Variants in ENPEP observed in about 807,000 individuals in gnomAD.
The protein encoded by ENPEP is glutamyl aminopeptidase, also known as AP-A.
Under a neutral mutation model 114.5 loss-of-function variants are expected in ENPEP, and 103 were observed. The observed-to-expected ratio is 0.90, with a 90% confidence interval of 0.77 to 1.06. The LOEUF (loss-of-function observed/expected upper bound fraction) is 1.06, where lower values mean the gene tolerates loss of function less well. ENPEP is among the 50% of genes least tolerant of loss of function. ENPEP has a pLI of 0.00. For missense variants in ENPEP, 1,196 were observed against 1,161.3 expected (o/e 1.03, Z -0.43); for synonymous variants, 420 against 422.0 (o/e 1.00, Z 0.06).
intron 19 of ENPEP, among the ~76,000 whole-genome samples, chr4:110,560,167 C>T (rs1339260468): frequency 6.6e-6 from 1 of 152,078 alleles, no homozygotes; most frequent in Non-Finnish European, 1.5e-5. Context: ...GTATATGTGC[C>T]ACATTTTCTT....
chr4:110,559,567 A>C (rs1289241871), intron 18 of ENPEP, 80 bp from the exon 19 acceptor site: 3 of 1,016,674 alleles, frequency 3.0e-6, no homozygotes, highest in Non-Finnish European at 4.5e-6. Context: ...CTATGAAATA[A>C]AAAGGAAACA....
intron 11 of ENPEP, 51 bp from the exon 12 acceptor site, chr4:110,542,700 T>C (rs1347833062): frequency 1.3e-6 from 2 of 1,535,148 alleles, no homozygotes; most frequent in East Asian, 4.6e-5. Flanking sequence ...TTTCTCTGTG[T>C]TGACAGTGCA....
At chr4:110,494,649 T>C (rs1271114876) in intron 3 of ENPEP, among the ~76,000 whole-genome samples, 3 of 152,162 alleles carry the variant, frequency 2.0e-5, no homozygotes, top group Non-Finnish European at 4.4e-5. Flanking sequence ...GACTTTAGAG[T>C]TGAGCCATTC....
At position 110,549,748 on chromosome 4, in the gene ENPEP, G is replaced by A. The variant is rs138109608; in HGVS notation, c.2363G>A (p.Arg788Gln). 5 of 1,613,230 alleles carry A rather than the reference G, an allele frequency of 3.1e-6. No homozygotes were observed. Among genetic ancestry groups the A allele is most frequent in the East Asian group, 4.5e-5 (2 of 44,852 alleles). The change falls in exon 17 of 20, where the codon CGG becomes CAG. Residue 788 changes from arginine (R) to glutamine (Q), a missense_variant. Transcript: ENST00000265162. ...GTAAATCTCAGGCTTCTGGTGTATC[G>A]GTATGGGATGCAGAACTCTGGCAAT... is the stretch of plus-strand genomic sequence containing the variant. ...LPVNLRLLVY[R>Q]YGMQNSGNEI...
intron 1 of ENPEP, among the ~76,000 whole-genome samples, chr4:110,478,010 T>G (rs921175016): frequency 2.6e-5 from 4 of 152,216 alleles, no homozygotes; most frequent in African/African-American, 9.7e-5. Flanking sequence ...TTGTGTTGTG[T>G]CTGGACTGCT....
chr4:110,511,247 A>G (rs530097381), intron 6 of ENPEP, among the ~76,000 whole-genome samples: 79 of 152,366 alleles, frequency 5.2e-4, no homozygotes, highest in African/African-American at 1.8e-3. Flanking sequence ...TTACTTCTTT[A>G]AAAATCTTAT....
At chr4:110,527,177 A>G (rs1726228501) in intron 10 of ENPEP, among the ~76,000 whole-genome samples, 1 of 152,186 alleles carries the variant, frequency 6.6e-6, no homozygotes, top group African/African-American at 2.4e-5. Context: ...GCATCAGAGA[A>G]TGATGAACTC....
chr4:110,476,492 G>T lies in ENPEP; in HGVS notation c.78G>T (p.Val26=). 1.9e-6 allele frequency: 3 copies of T among 1,582,068 alleles called. No homozygotes were observed. The highest frequency in any genetic ancestry group is 2.3e-5 in the South Asian group (2 of 86,094). The change falls in exon 1 of 20, where the codon GTG becomes GTT. Residue 26 remains valine, a synonymous_variant. Transcript: ENST00000265162. ...TKHVAILCAV[V]VGVGLIVGLA... Reference sequence around the variant, plus strand: ...ATGTGGCCATTCTCTGTGCGGTGGTGGTGGGTGTAGGATTAATAGTGGGAC... The same window carrying T: ...ATGTGGCCATTCTCTGTGCGGTGGTTGTGGGTGTAGGATTAATAGTGGGAC...
intron 19 of ENPEP, 98 bp from the exon 20 acceptor site, chr4:110,561,308 T>C: frequency 1.5e-6 from 2 of 1,292,498 alleles, no homozygotes; most frequent in Non-Finnish European, 2.2e-6. Flanking sequence ...ATACTGAATT[T>C]CTAGGTAAGA....
intron 18 of ENPEP, among the ~76,000 whole-genome samples, chr4:110,558,552 C>T (rs1289497762): frequency 2.0e-5 from 3 of 152,218 alleles, no homozygotes; most frequent in Non-Finnish European, 4.4e-5. Context: ...ACCTTGAGAT[C>T]GCAAAGTGCT....
At chr4:110,512,431 T>C (rs541770968) in intron 6 of ENPEP, 1 of 152,154 alleles carries the variant, frequency 6.6e-6, no homozygotes, top group Non-Finnish European at 1.5e-5. Context: ...TTCCTAGGTA[T>C]ACAAAAATCA....
At chr4:110,513,881 C>A (rs771634236) in intron 7 of ENPEP, among the ~76,000 whole-genome samples, 1 of 151,980 alleles carries the variant, frequency 6.6e-6, no homozygotes, top group Non-Finnish European at 1.5e-5. Flanking sequence ...AAATCTTTTT[C>A]TTCTATGTGG....
At chr4:110,510,905 A>G (rs1725550015) in intron 6 of ENPEP, among the ~76,000 whole-genome samples, 1 of 152,076 alleles carries the variant, frequency 6.6e-6, no homozygotes, top group Non-Finnish European at 1.5e-5. Flanking sequence ...ATAGAACATT[A>G]TTTTCTATCT....
intron 3 of ENPEP, among the ~76,000 whole-genome samples, chr4:110,495,155 G>A (rs927582474): frequency 6.6e-6 from 1 of 152,060 alleles, no homozygotes; most frequent in African/African-American, 2.4e-5. Flanking sequence ...TTCCCCATTG[G>A]AATTTATTGC....
rs768619058 is a variant in ENPEP at position 110,510,318 on chromosome 4, A to G, written c.1268A>G (p.Glu423Gly). 1.2e-6 allele frequency: 2 copies of G among 1,614,146 alleles called. No individual in the cohort carries two copies. Among genetic ancestry groups the G allele is most frequent in the Non-Finnish European group, 1.7e-6 (2 of 1,180,010 alleles). Residue 423 changes from glutamate to glycine, a missense_variant, in exon 6 of 20, where the codon GAG becomes GGG. Coordinates refer to ENST00000265162, the MANE Select transcript of ENPEP (RefSeq NM_001977.4). The part of the protein sequence containing the change: ...WLNEGFASFF[E>G]FLGVNHAETD... ...AATGAAGGATTTGCTTCTTTCTTTG[A>G]GTTTCTGGGAGTAAACCATGCAGAA...
chr4:110,531,146 AT>A, intron 10 of ENPEP, 51 bp from the exon 11 acceptor site: 1 of 1,152,972 alleles, frequency 8.7e-7, no homozygotes, highest in Non-Finnish European at 1.2e-6. Context: ...TACTCTTGAA[AT>A]TTTATCTTTT....
rs369668074 is a variant in ENPEP, at chr4:110,537,524, A to G, written c.1808-5227A>G. On this transcript the variant is annotated intron_variant, in intron 11 of 19. Transcript: ENST00000265162. ...TAATTCTAGCTCTCTTGCTATTTTC[A>G]CCACTCTGCAGTTACATCCTCCATA... Among the ~76,000 whole-genome samples the G allele has an allele frequency of 9.9e-5, 15 of 152,252 alleles. No individual in the cohort carries two copies. In the East Asian group the frequency reaches 2.5e-3, roughly 26 times the overall value.
At chr4:110,540,514 A>G (rs1726810574) in intron 11 of ENPEP, among the ~76,000 whole-genome samples, 1 of 152,174 alleles carries the variant, frequency 6.6e-6, no homozygotes. Context: ...TCATTATGTA[A>G]CTAAACAACT....
Position 110,542,822 on chromosome 4 carries a change from T to C in ENPEP, c.1879T>C (p.Tyr627His), listed in dbSNP as rs1489732652. 3.1e-6 allele frequency: 5 copies of C among 1,613,128 alleles called. No homozygotes were observed. Among genetic ancestry groups the C allele is most frequent in the South Asian group, 2.2e-5 (2 of 91,072 alleles). The change falls in exon 12 of 20, where the codon TAT becomes CAT. Residue 627 changes from tyrosine to histidine, a missense_variant. Physicochemically the swap from Tyr to His is moderately conservative, Grantham distance 83. Transcript: ENST00000265162. ...AATAAACCCAGATCATATTGGGTTTTATCGTGTAAATTATGAAGTAGCAAC... is the reference window on the plus strand; with the variant it reads ...AATAAACCCAGATCATATTGGGTTTCATCGTGTAAATTATGAAGTAGCAAC... ...LKINPDHIGFYRVNYEVATWD... is the reference protein window; with the variant it reads ...LKINPDHIGFHRVNYEVATWD...
Sources: allele counts gnomAD v4.1 joint callset (sites outside exome capture counted in the v4.1 genomes callset), GRCh38; gene constraint gnomAD v4.1.1; transcripts MANE v1.5; gene names NCBI Gene and HGNC (gene_info 2026-07-23, HGNC 2026-07-21).